TNIP3: variants seen among roughly 807,000 people sequenced by gnomAD.
The protein encoded by TNIP3 is TNFAIP3 interacting protein 3.
In TNIP3, 34 loss-of-function variants were observed where a neutral mutation model predicts 54.1. The ratio of observed to expected loss-of-function variants is 0.63; its 90% CI spans 0.48 to 0.84. The LOEUF (loss-of-function observed/expected upper bound fraction) is 0.84, where lower values mean the gene tolerates loss of function less well. Among genes scored for constraint, TNIP3 ranks in the 40% least tolerant of loss-of-function variants. TNIP3 has a pLI of 0.00. For missense variants in TNIP3, 366 were observed against 387.6 expected (o/e 0.94, Z 0.47); for synonymous variants, 134 against 136.8 (o/e 0.98, Z 0.14).
chr4:121,188,044 T>C (rs1725115105), intron 2 of TNIP3, among the ~76,000 whole-genome samples: 1 of 152,154 alleles, frequency 6.6e-6, no homozygotes, highest in South Asian at 2.1e-4. Context: ...TTGACTAAAT[T>C]ATAAATGAAC....
intron 3 of TNIP3, among the ~76,000 whole-genome samples, chr4:121,170,153 C>T (rs1042098799): frequency 2.6e-5 from 4 of 152,210 alleles, no homozygotes; most frequent in African/African-American, 4.8e-5. Flanking sequence ...AGCATCAACT[C>T]TAGCACTTAT....
At chr4:121,148,260 G>A (rs1729545038) in intron 6 of TNIP3, among the ~76,000 whole-genome samples, 1 of 152,208 alleles carries the variant, frequency 6.6e-6, no homozygotes, top group South Asian at 2.1e-4. Flanking sequence ...GTGATGTAAT[G>A]ATTGCGGGTG....
upstream of TNIP3, among the ~76,000 whole-genome samples, chr4:121,164,609 GT>G (rs1730656175): frequency 6.6e-6 from 1 of 152,216 alleles, no homozygotes; most frequent in South Asian, 2.1e-4. Context: ...TGACAGCTCG[GT>G]TTCCCTAAAG....
Position 121,213,721 on chromosome 4 carries a change from C to T in TNIP3, c.68+2694G>A, listed in dbSNP as rs141729948. Among the ~76,000 whole-genome samples the T allele has an allele frequency of 6.0e-3, 851 of 141,960 alleles. 13 individuals are homozygous for T. The highest frequency in any genetic ancestry group is 0.021 in the African/African-American group (782 of 37,758). 93.1% of individuals were successfully genotyped at this position (141,960 alleles called of 152,430 possible). ...CAGCCTGGGCGACAGAGTAAGACTC[C>T]GTCTCAAAAAAAAAAAAAACAAAAA... On this transcript the variant is annotated intron_variant, in intron 2 of 12. Transcript: ENST00000507879.
At position 121,131,472 on chromosome 4, in the gene TNIP3, T is replaced by G. The variant is rs1260363473; in HGVS notation, c.*1159A>C. 6.6e-6 allele frequency: 1 copy of G among 151,926 alleles called. No individual in the cohort carries two copies. Among genetic ancestry groups the G allele is most frequent in the Non-Finnish European group, 1.5e-5 (1 of 67,990 alleles). The allele number at this position is 151,926 out of a possible 1,614,324, so 9.4% of individuals were successfully genotyped here. Reference sequence around the variant, plus strand: ...GTCAGAATTAAGTTTTTCATTAAAATTAATCAAATCCAAGGGAAGGAAAAA... The same window carrying G: ...GTCAGAATTAAGTTTTTCATTAAAAGTAATCAAATCCAAGGGAAGGAAAAA... On this transcript the variant is annotated 3_prime_UTR_variant, in exon 11 of 11. Coordinates refer to ENST00000057513, the MANE Select transcript of TNIP3 (RefSeq NM_024873.6).
At chr4:121,220,338 G>T (rs1726977220), upstream of TNIP3, among the ~76,000 whole-genome samples, 1 of 152,156 alleles carries the variant, frequency 6.6e-6, no homozygotes, top group Admixed American at 6.5e-5. Flanking sequence ...TCTAAGGAGA[G>T]ATCTATTAGT....
intron 2 of TNIP3, among the ~76,000 whole-genome samples, chr4:121,205,337 CAAG>C (rs1726121889): frequency 6.6e-6 from 1 of 151,886 alleles, no homozygotes; most frequent in South Asian, 2.1e-4. Context: ...CAACATACAG[CAAG>C]AAGGAAAATA....
chr4:121,135,390 C>CT (rs1215995217), intron 10 of TNIP3, among the ~76,000 whole-genome samples: 30 of 151,332 alleles, frequency 2.0e-4, no homozygotes, highest in South Asian at 6.3e-4. Context: ...ACTTCTTCTT[C>CT]TTTTTTTTTA....
intron 10 of TNIP3, chr4:121,137,406 A>G (rs1346125802): frequency 6.6e-6 from 1 of 152,228 alleles, no homozygotes; most frequent in African/African-American, 2.4e-5. Flanking sequence ...ACCACTGGCT[A>G]TATTTGTAGT....
At chr4:121,210,195 A>G (rs1050963381) in intron 2 of TNIP3, among the ~76,000 whole-genome samples, 6 of 152,186 alleles carry the variant, frequency 3.9e-5, no homozygotes, top group Non-Finnish European at 8.8e-5. Context: ...CATGGATGAA[A>G]AGGTATTTCA....
intron 2 of TNIP3, chr4:121,192,839 T>G (rs1052264513): frequency 3.3e-5 from 5 of 152,222 alleles, no homozygotes; most frequent in Non-Finnish European, 7.3e-5. Context: ...CATCCTTTCA[T>G]GTAGGCCGTG....
intron 1 of TNIP3, among the ~76,000 whole-genome samples, chr4:121,226,799 A>T (rs1727275977): frequency 6.6e-6 from 1 of 152,180 alleles, no homozygotes; most frequent in Non-Finnish European, 1.5e-5. Flanking sequence ...TGTTTAAATA[A>T]AACAGTCCAG....
intron 2 of TNIP3, among the ~76,000 whole-genome samples, chr4:121,188,988 T>C (rs1251049696): frequency 6.6e-6 from 1 of 152,210 alleles, no homozygotes; most frequent in Admixed American, 6.5e-5. Flanking sequence ...TATGGTTACA[T>C]GGTACGGTTG....
At chr4:121,182,717 G>C in exon 3 of TNIP3, 3 of 1,534,124 alleles carry the variant, frequency 2.0e-6, no homozygotes, top group Non-Finnish European at 1.7e-6. Context: ...ATGGCCTCTG[G>C]GGTGAACCGT....
Position 121,148,335 on chromosome 4 carries a change from A to T in TNIP3, c.610-1161T>A, listed in dbSNP as rs112759253. Among the ~76,000 whole-genome samples, 776 of 152,354 alleles carry T rather than the reference A, an allele frequency of 5.1e-3. 5 individuals carry two copies. Among genetic ancestry groups the T allele is most frequent in the African/African-American group, 0.018 (741 of 41,584 alleles). ...AAGTCAGCAGTAGAGGCACTGCAAA[A>T]CTACGGAGATGGATTTTGGTCTTCC... On this transcript the variant is annotated intron_variant, in intron 6 of 10. Coordinates refer to ENST00000057513, the MANE Select transcript of TNIP3 (RefSeq NM_024873.6).
chr4:121,221,085 C>T (rs1466987025), upstream of TNIP3, among the ~76,000 whole-genome samples: 1 of 152,134 alleles, frequency 6.6e-6, no homozygotes, highest in African/African-American at 2.4e-5. Context: ...TGGCCTTTTG[C>T]AGTTTCCAAA....
upstream of TNIP3, among the ~76,000 whole-genome samples, chr4:121,218,412 A>G (rs561644170): frequency 6.5e-4 from 99 of 152,314 alleles, 2 homozygotes; most frequent in Middle Eastern, 6.8e-3. Flanking sequence ...CTAGGCTAGA[A>G]TTTTACATTT....
In TNIP3 at chr4:121,141,782, T is replaced by C. The variant is rs373352011; in HGVS notation, c.885+34A>G. 8 of 1,383,482 alleles carry C rather than the reference T, an allele frequency of 5.8e-6. No homozygotes were observed. The African/African-American group carries it at 1.0e-4, about 18-fold the overall frequency. The allele number at this position is 1,383,482 out of a possible 1,614,324, so 85.7% of individuals were successfully genotyped here. On this transcript the variant is annotated intron_variant, in intron 9 of 10. Coordinates refer to ENST00000057513, the MANE Select transcript of TNIP3 (RefSeq NM_024873.6). The stretch of plus-strand genomic sequence containing the variant: ...GCACATAATTTCTACCAAAACAGTA[T>C]ACTAAGCACTTTTTCAAATGCACTC...
chr4:121,227,263 A>G (rs1463774684), intron 1 of TNIP3: 13 of 766,664 alleles, frequency 1.7e-5, no homozygotes, highest in African/African-American at 5.3e-5. Context: ...TGAGTTCCTG[A>G]TCAGTTATAT....
Sources: gnomAD v4.1 joint callset for allele counts (sites outside exome capture counted in the v4.1 genomes callset) on GRCh38, gnomAD v4.1.1 for gene constraint, MANE v1.5 for transcripts, NCBI Gene and HGNC (gene_info 2026-07-23, HGNC 2026-07-21) for gene names.